Variants in ARFGEF3 observed in about 807,000 individuals in gnomAD.
ARFGEF3 encodes brefeldin A-inhibited guanine nucleotide-exchange protein 3.
Under a neutral mutation model 221.7 loss-of-function variants are expected in ARFGEF3, and 96 were observed. The ratio of observed to expected loss-of-function variants is 0.43; its 90% CI spans 0.37 to 0.51. The LOEUF (loss-of-function observed/expected upper bound fraction) is 0.51, where lower values mean the gene tolerates loss of function less well. Among genes scored for constraint, ARFGEF3 ranks in the 20% least tolerant of loss-of-function variants. ARFGEF3 has a pLI of 0.00. For missense variants in ARFGEF3, 2,410 were observed against 2,789.9 expected (o/e 0.86, Z 3.07); for synonymous variants, 1,145 against 1,126.8 (o/e 1.02, Z -0.32).
chr6:138,218,748 A>G (rs1480522362), intron 4 of ARFGEF3, among the ~76,000 whole-genome samples: 3 of 152,206 alleles, frequency 2.0e-5, no homozygotes, highest in South Asian at 2.1e-4. Context: ...GGCAGAGACA[A>G]TTTGAGATGA....
At chr6:138,333,630 GACGGGGTTTC>G (rs1206119833) in intron 32 of ARFGEF3, among the ~76,000 whole-genome samples, 1 of 152,064 alleles carries the variant, frequency 6.6e-6, no homozygotes, top group Non-Finnish European at 1.5e-5. Context: ...TTTTAGTAGA[GACGGGGTTTC>G]ACCATGTTAG....
At chr6:138,250,062 T>G (rs541206759) in intron 8 of ARFGEF3, among the ~76,000 whole-genome samples, 2 of 152,350 alleles carry the variant, frequency 1.3e-5, no homozygotes, top group South Asian at 2.1e-4. Context: ...TTAGCTAAAC[T>G]GGATGCCTCT....
At chr6:138,188,880 C>A (rs185894742) in intron 2 of ARFGEF3, among the ~76,000 whole-genome samples, 2 of 152,316 alleles carry the variant, frequency 1.3e-5, no homozygotes, top group Non-Finnish European at 2.9e-5. Flanking sequence ...ACCTTTTTGG[C>A]TCCTGCCCAA....
At chr6:138,264,571 C>T (rs1482653013) in intron 12 of ARFGEF3, among the ~76,000 whole-genome samples, 1 of 152,198 alleles carries the variant, frequency 6.6e-6, no homozygotes, top group Admixed American at 6.5e-5. Flanking sequence ...TGCTCTTCTA[C>T]CACTTAACCT....
intron 9 of ARFGEF3, among the ~76,000 whole-genome samples, chr6:138,254,755 T>C (rs1257804874): frequency 4.6e-5 from 7 of 152,222 alleles, no homozygotes; most frequent in Admixed American, 4.6e-4. Context: ...AATTGCTTTG[T>C]TGACATCCAT....
At chr6:138,209,622 G>T (rs1305183782) in intron 3 of ARFGEF3, among the ~76,000 whole-genome samples, 1 of 151,996 alleles carries the variant, frequency 6.6e-6, no homozygotes, top group Non-Finnish European at 1.5e-5. Flanking sequence ...GCTAATTTTT[G>T]TGTTTTTAGT....
At chr6:138,173,873 A>G (rs947547321) in intron 2 of ARFGEF3, among the ~76,000 whole-genome samples, 6 of 152,208 alleles carry the variant, frequency 3.9e-5, no homozygotes, top group Non-Finnish European at 8.8e-5. Flanking sequence ...ATTATTAGAA[A>G]TTCAACTCAG....
At chr6:138,250,135 C>G (rs1778554038) in intron 8 of ARFGEF3, among the ~76,000 whole-genome samples, 1 of 152,218 alleles carries the variant, frequency 6.6e-6, no homozygotes. Context: ...CTAACCTCAA[C>G]AGCCATTTCC....
intron 2 of ARFGEF3, among the ~76,000 whole-genome samples, chr6:138,202,421 CA>C (rs1777553863): frequency 6.6e-6 from 1 of 152,028 alleles, no homozygotes; most frequent in African/African-American, 2.4e-5. Context: ...GAGCAAGCAG[CA>C]AAATTAGTTA....
Position 138,328,135 on chromosome 6 carries a change from A to G in ARFGEF3, c.5116A>G (p.Lys1706Glu). ...TGATGAAAAACCAAATGGACACACCAAGAAAAGGTAAGTACCTAAATCTCA... is the reference window on the plus strand; with the variant it reads ...TGATGAAAAACCAAATGGACACACCGAGAAAAGGTAAGTACCTAAATCTCA... ...PPDEKPNGHT[K>E]KSVSFREIVV... The change falls in exon 32 of 34, where the codon AAG becomes GAG. Residue 1706 changes from lysine to glutamate, a missense_variant. Physicochemically the swap from Lys to Glu is moderately conservative, Grantham distance 56 (BLOSUM62 1). Around this residue, in one of 5 missense-constraint regions of ARFGEF3, gnomAD observed 723 missense variants for 991.9 expected, o/e 0.73. Coordinates refer to ENST00000251691, the MANE Select transcript of ARFGEF3 (RefSeq NM_020340.5). 1 of 1,594,020 alleles carries G rather than the reference A, an allele frequency of 6.3e-7. No individual in the cohort carries two copies. Among genetic ancestry groups the G allele is most frequent in the Non-Finnish European group, 8.5e-7 (1 of 1,169,594 alleles).
Position 138,291,872 on chromosome 6 carries a change from C to A in ARFGEF3, c.3187C>A (p.Pro1063Thr), listed in dbSNP as rs768180698. Residue 1063 changes from proline to threonine, a missense_variant, in exon 19 of 34, where the codon CCC becomes ACC. Physicochemically the swap from Pro to Thr is conservative, Grantham distance 38 (BLOSUM62 -1). This residue lies in a region of ARFGEF3 where 184 missense variants were observed against 141.8 expected (regional missense o/e 1.30). Transcript: ENST00000251691. The surrounding 1 kb of genome is among the most constrained non-coding windows in gnomAD (Gnocchi z 4.5). ...LGDPECEGSP[P>T]EHSPEQGRSL... ...GGACCCCGAGTGTGAGGGCTCGCCC[C>A]CCGAGCACAGCCCGGAGCAGGGGCG... The A allele has an allele frequency of 8.0e-6, 12 of 1,499,302 alleles. No homozygotes were observed. In the South Asian group the frequency reaches 1.5e-4, roughly 19 times the overall value. 92.9% of individuals were successfully genotyped at this position (1,499,302 alleles called of 1,614,324 possible). A position where few individuals can be genotyped will look rare whatever the true frequency, so the allele number is the denominator to read the frequency against.
intron 5 of ARFGEF3, among the ~76,000 whole-genome samples, chr6:138,237,500 T>C (rs1778308775): frequency 6.6e-6 from 1 of 151,108 alleles, no homozygotes; most frequent in African/African-American, 2.4e-5. Context: ...AGCAGCATAT[T>C]ATCAAATGAG....
rs550815515 is a variant in ARFGEF3 at position 138,310,136 on chromosome 6, G to A, written c.4097-1271G>A. On this transcript the variant is annotated intron_variant, in intron 24 of 33. Coordinates refer to ENST00000251691, the MANE Select transcript of ARFGEF3 (RefSeq NM_020340.5). ...AGGCAGAGCCCCTTGTATAGTCATG[G>A]TGCCTGTGTCCTGCCTGGCTCCAGG... is the stretch of plus-strand genomic sequence containing the variant. Among the ~76,000 whole-genome samples, 18 of 152,326 alleles carry A rather than the reference G, an allele frequency of 1.2e-4. No individual in the cohort carries two copies. In the South Asian group the frequency reaches 2.1e-3, roughly 18 times the overall value.
chr6:138,327,070 G>A (rs1379197621), intron 31 of ARFGEF3, among the ~76,000 whole-genome samples: 1 of 152,138 alleles, frequency 6.6e-6, no homozygotes, highest in African/African-American at 2.4e-5. Context: ...ATGGACACAT[G>A]GCAAAGAACA....
chr6:138,177,850 T>G (rs1392688130), intron 2 of ARFGEF3, among the ~76,000 whole-genome samples: 2 of 152,134 alleles, frequency 1.3e-5, no homozygotes, highest in Admixed American at 1.3e-4. Context: ...AATTTTTCAT[T>G]CATATCATGA....
chr6:138,242,354 A>C (rs1229631962), intron 6 of ARFGEF3, among the ~76,000 whole-genome samples: 2 of 152,156 alleles, frequency 1.3e-5, no homozygotes, highest in African/African-American at 2.4e-5. Flanking sequence ...CTTCCCTCAC[A>C]GTTCTGTCTC....
At chr6:138,288,770 T>G (rs1038193336) in intron 17 of ARFGEF3, among the ~76,000 whole-genome samples, 1 of 152,000 alleles carries the variant, frequency 6.6e-6, no homozygotes, top group African/African-American at 2.4e-5. Context: ...TAGGAGATGG[T>G]TTGGATTCCT....
chr6:138,285,668 A>G (rs768800846), intron 14 of ARFGEF3, among the ~76,000 whole-genome samples: 3 of 152,194 alleles, frequency 2.0e-5, no homozygotes, highest in Non-Finnish European at 2.9e-5. Context: ...TTCTAAATCA[A>G]TAGATTTTCT....
intron 5 of ARFGEF3, among the ~76,000 whole-genome samples, chr6:138,231,048 A>G (rs918591221): frequency 1.3e-5 from 2 of 151,910 alleles, no homozygotes; most frequent in African/African-American, 4.8e-5. Flanking sequence ...AACTGGGGGG[A>G]AGGGGAGACA....
Sources: gnomAD v4.1 joint callset for allele counts (sites outside exome capture counted in the v4.1 genomes callset) on GRCh38, gnomAD v4.1.1 for gene constraint, gnomAD v4.1.1 regional missense constraint, Gnocchi (gnomAD v3.1) non-coding constraint, MANE v1.5 for transcripts, NCBI Gene and HGNC (gene_info 2026-07-23, HGNC 2026-07-21) for gene names.